The following HS3ST4 variants were observed in gnomAD, a reference collection of about 807,000 sequenced individuals.
The protein encoded by HS3ST4 is heparan sulfate glucosamine 3-O-sulfotransferase 4.
A neutral mutation model predicts 29.2 loss-of-function variants in HS3ST4; 17 were observed. The observed-to-expected ratio is 0.58, with a 90% CI of 0.40 to 0.87. The LOEUF is 0.87. Among genes scored for constraint, HS3ST4 ranks in the 40% least tolerant of loss-of-function variants. The probability of loss-of-function intolerance (pLI) is 0.00; values close to 1 mark genes in which losing one functional copy is unlikely to be tolerated. For synonymous variants in HS3ST4, 314 were observed against 285.7 expected, an observed-to-expected ratio of 1.10 and a Z score of -1.00; for missense variants, 627 against 634.5, an observed-to-expected ratio of 0.99 and a Z score of 0.13.
chr16:26,105,221 T>TA (rs1369822143), intron 1 of HS3ST4, among the ~76,000 whole-genome samples: 1 of 152,190 alleles, frequency 6.6e-6, no homozygotes, highest in Admixed American at 6.5e-5. Flanking sequence ...TGGAAACCAT[T>TA]ATCCTAAGCA....
intron 1 of HS3ST4, among the ~76,000 whole-genome samples, chr16:25,754,893 C>A (rs1357823981): frequency 6.6e-6 from 1 of 152,008 alleles, no homozygotes; most frequent in East Asian, 1.9e-4. Flanking sequence ...ATCCACCTAC[C>A]CATCAACCTG....
chr16:26,012,046 C>T (rs1453323104), intron 1 of HS3ST4, among the ~76,000 whole-genome samples: 4 of 152,156 alleles, frequency 2.6e-5, no homozygotes, highest in African/African-American at 9.7e-5. Context: ...GATTAATGCT[C>T]CTTTAATGAT....
chr16:26,125,880 G>A (rs1486775951), intron 1 of HS3ST4, among the ~76,000 whole-genome samples: 2 of 152,190 alleles, frequency 1.3e-5, no homozygotes, highest in East Asian at 1.9e-4. Flanking sequence ...GAACCTGAAC[G>A]CTGAGTAGGT....
At position 25,920,162 on chromosome 16, in the gene HS3ST4, C is replaced by T. The variant is rs114122363; in HGVS notation, c.735-215450C>T. On this transcript the variant is annotated intron_variant, in intron 1 of 1. Transcript: ENST00000331351. ...CTCATTGCTCAACCTTAATCTAGGC[C>T]CCCATCCTATTGTGTCTGGAATATT... 2.6e-3 allele frequency among the ~76,000 whole-genome samples: 402 copies of T among 152,244 alleles called. 1 individual carries two copies. The highest frequency in any genetic ancestry group is 9.0e-3 in the African/African-American group (373 of 41,540).
At position 25,739,194 on chromosome 16, in the gene HS3ST4, T is replaced by G. The variant is rs1367381548; in HGVS notation, c.734+46043T>G. Among the ~76,000 whole-genome samples the G allele has an allele frequency of 2.6e-5, 4 of 152,100 alleles. No homozygotes were observed. The South Asian group carries it at 8.3e-4, about 32-fold the overall frequency. On this transcript the variant is annotated intron_variant, in intron 1 of 1. Coordinates refer to ENST00000331351, the MANE Select transcript of HS3ST4 (RefSeq NM_006040.3). ...CCATCTCAACTAAAAATACAAAAAT[T>G]AGCTAGGCGTGGTGGCGGGCACCTG...
chr16:25,898,037 C>T (rs1264136531), intron 1 of HS3ST4, among the ~76,000 whole-genome samples: 1 of 152,182 alleles, frequency 6.6e-6, no homozygotes, highest in African/African-American at 2.4e-5. Context: ...CACAGTGAGC[C>T]GCCTGGGACT....
chr16:26,071,032 G>A (rs1053477236), intron 1 of HS3ST4, among the ~76,000 whole-genome samples: 22 of 152,318 alleles, frequency 1.4e-4, no homozygotes, highest in Admixed American at 1.1e-3. Flanking sequence ...CTATTTAAAT[G>A]CCTCTCAGAA....
intron 1 of HS3ST4, among the ~76,000 whole-genome samples, chr16:25,969,500 C>A (rs1004847219): frequency 6.6e-6 from 1 of 152,174 alleles, no homozygotes; most frequent in African/African-American, 2.4e-5. Flanking sequence ...AAGTTCATTG[C>A]GAAACAGTCA....
chr16:25,908,917 C>A (rs951148415), intron 1 of HS3ST4, among the ~76,000 whole-genome samples: 2 of 152,158 alleles, frequency 1.3e-5, no homozygotes, highest in African/African-American at 4.8e-5. Context: ...GGACAGAAGT[C>A]CATTTGGACA....
intron 1 of HS3ST4, among the ~76,000 whole-genome samples, chr16:25,764,761 A>G (rs1352831040): frequency 1.3e-5 from 2 of 152,216 alleles, no homozygotes; most frequent in Non-Finnish European, 2.9e-5. Context: ...TGCTAGATTT[A>G]GAAGGTTCTT....
intron 1 of HS3ST4, among the ~76,000 whole-genome samples, chr16:25,740,087 A>C (rs951615128): frequency 1.3e-5 from 2 of 151,952 alleles, no homozygotes. Context: ...GAGAATCTGT[A>C]GTTGGATGAT....
At chr16:25,915,618 A>T (rs1384893273) in intron 1 of HS3ST4, among the ~76,000 whole-genome samples, 2 of 152,202 alleles carry the variant, frequency 1.3e-5, no homozygotes, top group Non-Finnish European at 2.9e-5. Context: ...GCTGATTCTT[A>T]CATGGCCTCA....
intron 1 of HS3ST4, among the ~76,000 whole-genome samples, chr16:26,026,844 C>T (rs1349597074): frequency 2.0e-5 from 3 of 152,134 alleles, no homozygotes; most frequent in Non-Finnish European, 2.9e-5. Context: ...GAAAGAGCCA[C>T]CAGGAACTTC....
At chr16:26,066,861 G>A (rs1425716103) in intron 1 of HS3ST4, among the ~76,000 whole-genome samples, 1 of 152,238 alleles carries the variant, frequency 6.6e-6, no homozygotes, top group Admixed American at 6.5e-5. Flanking sequence ...CAGGACATCT[G>A]TTCTGTGGAC....
At chr16:25,970,717 C>T (rs975879011) in intron 1 of HS3ST4, among the ~76,000 whole-genome samples, 3 of 152,074 alleles carry the variant, frequency 2.0e-5, no homozygotes, top group African/African-American at 7.2e-5. Context: ...TGGACACTTG[C>T]TTGTTGTCTA....
At chr16:25,774,666 A>G (rs922918520) in intron 1 of HS3ST4, among the ~76,000 whole-genome samples, 1 of 152,116 alleles carries the variant, frequency 6.6e-6, no homozygotes, top group Non-Finnish European at 1.5e-5. Context: ...GGATGAAATA[A>G]TGCAATGTGT....
chr16:26,129,799 C>T (rs941783349), intron 1 of HS3ST4, among the ~76,000 whole-genome samples: 1 of 152,164 alleles, frequency 6.6e-6, no homozygotes, highest in African/African-American at 2.4e-5. Flanking sequence ...TGCTTGGAGA[C>T]GTCAGTCTAG....
intron 1 of HS3ST4, among the ~76,000 whole-genome samples, chr16:25,744,662 A>C (rs1966675113): frequency 6.6e-6 from 1 of 152,068 alleles, no homozygotes; most frequent in Admixed American, 6.5e-5. Flanking sequence ...TCCCCACCCA[A>C]ATCTCATCTT....
intron 1 of HS3ST4, among the ~76,000 whole-genome samples, chr16:25,928,100 G>A (rs1968426051): frequency 1.3e-5 from 2 of 150,822 alleles, no homozygotes; most frequent in South Asian, 4.2e-4. Context: ...AAAGGCTGAG[G>A]CAGGAGGATT....
Sources: allele counts gnomAD v4.1 joint callset (sites outside exome capture counted in the v4.1 genomes callset), GRCh38; gene constraint gnomAD v4.1.1; transcripts MANE v1.5; gene names NCBI Gene and HGNC (gene_info 2026-07-23, HGNC 2026-07-21).